ECT2: variants seen among roughly 807,000 people sequenced by gnomAD.
The protein encoded by ECT2 is epithelial cell transforming 2.
A neutral mutation model predicts 116.9 loss-of-function variants in ECT2; 61 were observed. That is an observed-to-expected ratio of 0.52 (90% CI 0.42 to 0.65). The LOEUF (loss-of-function observed/expected upper bound fraction) is 0.65. Among genes scored for constraint, ECT2 ranks in the 30% least tolerant of loss-of-function variants. The pLI is 0.00. For missense variants in ECT2, 937 were observed against 1,078.7 expected, an observed-to-expected ratio of 0.87 and a Z score of 1.84; for synonymous variants, 358 against 346.4, an observed-to-expected ratio of 1.03 and a Z score of -0.37.
chr3:172,807,047 G>A (rs1727885212), intron 21 of ECT2, among the ~76,000 whole-genome samples: 1 of 152,120 alleles, frequency 6.6e-6, no homozygotes, highest in Non-Finnish European at 1.5e-5. Context: ...TTGTCCCTTG[G>A]TATCCACGGG....
At position 172,773,834 on chromosome 3, in the gene ECT2, T is replaced by C. The variant is rs1721134558; in HGVS notation, c.1429-69T>C. 4.1e-6 allele frequency: 6 copies of C among 1,471,754 alleles called. 1 individual carries two copies. In the South Asian group the frequency reaches 6.0e-5, roughly 15 times the overall value. The allele number at this position is 1,471,754 out of a possible 1,614,324, so 91.2% of individuals were successfully genotyped here. On this transcript the variant is annotated intron_variant, in intron 13 of 24. Transcript: ENST00000392692. ...CTATTAATATCTTGTGTCTCCTTTA[T>C]CACTGTCTATCTTTTAGCTCTTTTC...
intron 5 of ECT2, among the ~76,000 whole-genome samples, chr3:172,757,441 G>A (rs1056824075): frequency 7.6e-5 from 11 of 143,998 alleles, no homozygotes; most frequent in African/African-American, 2.1e-4. Context: ...TTTTGAGACG[G>A]AGTCTTGCTC....
rs750537373 is a variant in ECT2 at position 172,815,725 on chromosome 3, A to G, written c.2508+14A>G. ...ACTTCAAAAAAGGTGAGTTTTAGTG[A>G]AAGTATTATTTAGCACATCTCTAAC... On this transcript the variant is annotated intron_variant, in intron 23 of 24. Coordinates refer to ENST00000392692, the MANE Select transcript of ECT2 (RefSeq NM_001258315.2). 2 of 1,491,082 alleles carry G rather than the reference A, an allele frequency of 1.3e-6. No individual in the cohort carries two copies. Among genetic ancestry groups the G allele is most frequent in the Non-Finnish European group, 1.9e-6 (2 of 1,077,542 alleles). 92.4% of individuals were successfully genotyped at this position (1,491,082 alleles called of 1,614,324 possible).
At chr3:172,820,074 A>C in intron 24 of ECT2, 74 bp from the exon 25 acceptor site, 1 of 1,040,676 alleles carries the variant, frequency 9.6e-7, no homozygotes, top group Non-Finnish European at 1.4e-6. Flanking sequence ...AATAATAGGC[A>C]TGATACTGAA....
chr3:172,828,815 T>C, the ECT2 span: 4 of 760,088 alleles, frequency 5.3e-6, no homozygotes, highest in Admixed American at 5.9e-5. Context: ...CAGAATGGCA[T>C]AGGAGAAGAG....
intron 18 of ECT2, among the ~76,000 whole-genome samples, chr3:172,802,275 A>G (rs1365237211): frequency 6.6e-6 from 1 of 151,848 alleles, no homozygotes; most frequent in African/African-American, 2.4e-5. Flanking sequence ...CACCATACCC[A>G]GCTAATTTTT....
Position 172,754,550 on chromosome 3 carries a change from T to C in ECT2, c.20T>C (p.Leu7Ser), listed in dbSNP as rs1278318087. Residue 7 changes from leucine (L) to serine (S), a missense_variant, in exon 2 of 25, where the codon TTA becomes TCA. Coordinates refer to ENST00000392692, the MANE Select transcript of ECT2 (RefSeq NM_001258315.2). ...CAAATCATGGCTGAAAATAGTGTAT[T>C]AACATCCACTACTGGGAGGACTAGC... is the stretch of plus-strand genomic sequence containing the variant. MAENSV[L>S]TSTTGRTSLA... is the part of the protein sequence containing the mutation. 6.2e-7 allele frequency: 1 copy of C among 1,604,458 alleles called. No individual in the cohort carries two copies. Among genetic ancestry groups the C allele is most frequent in the African/African-American group, 1.3e-5 (1 of 74,346 alleles).
At chr3:172,779,017 A>G (rs1377651838) in intron 14 of ECT2, among the ~76,000 whole-genome samples, 2 of 152,212 alleles carry the variant, frequency 1.3e-5, no homozygotes, top group African/African-American at 4.8e-5. Flanking sequence ...TTATGTAAGT[A>G]TTTATTTTAC....
At chr3:172,771,375 T>C (rs1027670985) in intron 13 of ECT2, 11 of 152,214 alleles carry the variant, frequency 7.2e-5, no homozygotes, top group Non-Finnish European at 1.6e-4. Flanking sequence ...TCGTTACTAT[T>C]ATAAAATCAA....
At chr3:172,808,015 TATGA>T (rs1373893427) in intron 22 of ECT2, 91 bp downstream of exon 22, 1 of 1,261,578 alleles carries the variant, frequency 7.9e-7, no homozygotes, top group Non-Finnish European at 1.1e-6. Flanking sequence ...ACTTGTTTAT[TATGA>T]ATGGAGAGTT....
chr3:172,825,440 C>T (rs555756350), downstream of ECT2, among the ~76,000 whole-genome samples: 2 of 152,164 alleles, frequency 1.3e-5, no homozygotes, highest in African/African-American at 4.8e-5. Context: ...AAAGCAAGGC[C>T]CCTTGTGCTA....
At position 172,820,506 on chromosome 3, in the gene ECT2, A is replaced by G. The variant is rs995094086; in HGVS notation, c.*269A>G. 4 of 246,906 alleles carry G rather than the reference A, an allele frequency of 1.6e-5. No individual in the cohort carries two copies. Among genetic ancestry groups the G allele is most frequent in the East Asian group, 8.1e-5 (1 of 12,308 alleles). 15.3% of individuals were successfully genotyped at this position (246,906 alleles called of 1,614,324 possible). A position where few individuals can be genotyped will look rare whatever the true frequency, so the allele number is the denominator to read the frequency against. On this transcript the variant is annotated 3_prime_UTR_variant, in exon 25 of 25. Coordinates refer to ENST00000392692, the MANE Select transcript of ECT2 (RefSeq NM_001258315.2). ...TCAAAGGCCAATAATTTAAGTTGCT[A>G]TCAGCTGATATTAGTAGCTTTGCAA...
intron 11 of ECT2, among the ~76,000 whole-genome samples, chr3:172,763,970 T>C (rs759980198): frequency 7.2e-5 from 11 of 152,320 alleles, no homozygotes; most frequent in Non-Finnish European, 1.3e-4. Context: ...GCGAACAGAC[T>C]GTGAATGGCC....
At chr3:172,809,797 G>A (rs1001919679) in intron 22 of ECT2, among the ~76,000 whole-genome samples, 2 of 151,936 alleles carry the variant, frequency 1.3e-5, no homozygotes, top group East Asian at 1.9e-4. Context: ...TGTCGTGTCC[G>A]CTCATTAATG....
chr3:172,768,200 A>G (rs1056346703), intron 12 of ECT2, among the ~76,000 whole-genome samples: 1 of 152,148 alleles, frequency 6.6e-6, no homozygotes, highest in African/African-American at 2.4e-5. Context: ...GTATATGACA[A>G]GTTTTCGTTA....
chr3:172,801,141 T>A (rs1726643749), intron 18 of ECT2, among the ~76,000 whole-genome samples: 1 of 152,222 alleles, frequency 6.6e-6, no homozygotes, highest in African/African-American at 2.4e-5. Flanking sequence ...ATTAGTCTTA[T>A]TTTCCTGTCA....
intron 18 of ECT2, among the ~76,000 whole-genome samples, chr3:172,800,124 A>AT (rs1726451926): frequency 6.6e-6 from 1 of 152,210 alleles, no homozygotes. Flanking sequence ...TCTTGATCAA[A>AT]GGGGGGAAAT....
At chr3:172,812,004 G>C (rs1222452428) in intron 22 of ECT2, among the ~76,000 whole-genome samples, 10 of 145,586 alleles carry the variant, frequency 6.9e-5, no homozygotes, top group Admixed American at 5.5e-4. Flanking sequence ...TTTTTTGGGA[G>C]ACAAAGTCTT....
intron 17 of ECT2, 26 bp downstream of exon 17, chr3:172,784,829 A>G (rs1253961887): frequency 4.6e-6 from 6 of 1,302,872 alleles, no homozygotes; most frequent in Admixed American, 1.9e-5. Context: ...GTTTCAAACT[A>G]CATCAGATAT....
Sources: gnomAD v4.1 joint callset for allele counts (sites outside exome capture counted in the v4.1 genomes callset) on GRCh38, gnomAD v4.1.1 for gene constraint, MANE v1.5 for transcripts, NCBI Gene and HGNC (gene_info 2026-07-23, HGNC 2026-07-21) for gene names.